The following PTDSS1 variants were observed in gnomAD, a reference collection of about 807,000 sequenced individuals.
PTDSS1 encodes the protein phosphatidylserine synthase 1.
PTDSS1 carries 45 observed loss-of-function variants against 70.5 expected under a neutral mutation model. The observed-to-expected ratio is 0.64, with a 90% confidence interval of 0.50 to 0.82. The LOEUF is 0.82. PTDSS1 is among the 40% of genes least tolerant of loss of function. The pLI is 0.00. For missense variants in PTDSS1, 417 were observed against 586.1 expected, an observed-to-expected ratio of 0.71 and a Z score of 2.98; for synonymous variants, 188 against 203.8, an observed-to-expected ratio of 0.92 and a Z score of 0.66.
At chr8:96,330,166 G>C (rs1362728107) in intron 10 of PTDSS1, 47 bp from the exon 11 acceptor site, 1 of 1,528,356 alleles carries the variant, frequency 6.5e-7, no homozygotes, top group East Asian at 2.3e-5. Context: ...CTGAAGTTCT[G>C]GGAAATTGAA....
chr8:96,263,803 A>T (rs758045893), intron 1 of PTDSS1, among the ~76,000 whole-genome samples: 2 of 152,246 alleles, frequency 1.3e-5, no homozygotes, highest in Non-Finnish European at 1.5e-5. Context: ...AGTCGTTTGC[A>T]TACACACACA....
At chr8:96,281,596 A>T (rs530155241) in intron 2 of PTDSS1, among the ~76,000 whole-genome samples, 1 of 152,030 alleles carries the variant, frequency 6.6e-6, no homozygotes, top group Non-Finnish European at 1.5e-5. Flanking sequence ...AGCCTGCGCC[A>T]TGCCTTTCCC....
At position 96,262,211 on chromosome 8, in the gene PTDSS1, C is replaced by T. The variant is rs772045211; in HGVS notation, c.171C>T (p.Ala57=). ...CCATCGTCAGCCTCATGTACTTCGC[C>T]TTTACCAGGTGGGGCGGCCCAGCCG... ...SFTIVSLMYF[A]FTRDDSVPED... The change falls in exon 1 of 13, where the codon GCC becomes GCT. Residue 57 remains alanine (A), a synonymous_variant. Coordinates refer to ENST00000517309, the MANE Select transcript of PTDSS1 (RefSeq NM_014754.3). This position sits in a 1 kb window ranked among gnomAD's most constrained non-coding sequence, Gnocchi z 4.4. 1.3e-6 allele frequency: 2 copies of T among 1,514,258 alleles called. No individual in the cohort carries two copies. Among genetic ancestry groups the T allele is most frequent in the Admixed American group, 3.5e-5 (2 of 56,690 alleles). The allele number at this position is 1,514,258 out of a possible 1,614,324, so 93.8% of individuals were successfully genotyped here. A position where few individuals can be genotyped will look rare whatever the true frequency, so the allele number is the denominator to read the frequency against.
chr8:96,288,175 A>C (rs891974690), intron 4 of PTDSS1, among the ~76,000 whole-genome samples: 44 of 152,106 alleles, frequency 2.9e-4, no homozygotes, highest in African/African-American at 9.7e-4. Flanking sequence ...ATGGAGAGGT[A>C]CCTAGGGTGA....
rs1460880330 is a variant in PTDSS1 at position 96,336,307 on chromosome 8, A to T, written c.*2741A>T. 1 of 152,148 alleles carries T rather than the reference A, an allele frequency of 6.6e-6. No individual in the cohort carries two copies. Among genetic ancestry groups the T allele is most frequent in the East Asian group, 1.9e-4 (1 of 5,184 alleles). 9.4% of individuals were successfully genotyped at this position (152,148 alleles called of 1,614,324 possible). On this transcript the variant is annotated 3_prime_UTR_variant, in exon 13 of 13. Transcript: ENST00000517309. Reference sequence around the variant, plus strand: ...CCTTCTTGGTCTTCCCTCAGAAGCCACCGTGTAGCACCCTGGAATGATGCC... The same window carrying T: ...CCTTCTTGGTCTTCCCTCAGAAGCCTCCGTGTAGCACCCTGGAATGATGCC...
At chr8:96,302,864 G>A (rs752092529) in intron 6 of PTDSS1, among the ~76,000 whole-genome samples, 1 of 152,210 alleles carries the variant, frequency 6.6e-6, no homozygotes, top group African/African-American at 2.4e-5. Flanking sequence ...TTAGAGGCAT[G>A]AGCCACCATG....
chr8:96,268,156 A>C (rs1243993392), intron 1 of PTDSS1, among the ~76,000 whole-genome samples: 1 of 152,244 alleles, frequency 6.6e-6, no homozygotes, highest in Non-Finnish European at 1.5e-5. Context: ...TAAGAACTTA[A>C]AATTTATCAC....
At chr8:96,324,157 G>A (rs540428205) in intron 10 of PTDSS1, among the ~76,000 whole-genome samples, 2 of 152,284 alleles carry the variant, frequency 1.3e-5, no homozygotes, top group South Asian at 4.1e-4. Context: ...CCTCATCAGA[G>A]TGGCCTTGAC....
intron 10 of PTDSS1, among the ~76,000 whole-genome samples, chr8:96,323,969 G>A (rs1450433921): frequency 2.0e-5 from 3 of 152,146 alleles, no homozygotes; most frequent in African/African-American, 7.2e-5. Context: ...CCACACAGTA[G>A]CCCGAATGCT....
chr8:96,266,391 G>T (rs1351568392), intron 1 of PTDSS1, among the ~76,000 whole-genome samples: 1 of 152,182 alleles, frequency 6.6e-6, no homozygotes, highest in Non-Finnish European at 1.5e-5. Context: ...TTGACTGATT[G>T]ATTTGTTAAT....
rs544570062 is a variant in PTDSS1 at position 96,266,169 on chromosome 8, G to A, written c.179+3950G>A. On this transcript the variant is annotated intron_variant, in intron 1 of 12. Transcript: ENST00000517309. Reference sequence around the variant, plus strand: ...CAGAATCTATTAATTCACATTCAAAGAAGCCCACCTCTCCTTAAGAGGCAC... The same window carrying A: ...CAGAATCTATTAATTCACATTCAAAAAAGCCCACCTCTCCTTAAGAGGCAC... Among the ~76,000 whole-genome samples, 176 of 152,328 alleles carry A rather than the reference G, an allele frequency of 1.2e-3. 1 individual carries two copies. Among genetic ancestry groups the A allele is most frequent in the Admixed American group, 2.0e-3 (30 of 15,306 alleles).
chr8:96,303,583 T>A (rs1168453511), intron 6 of PTDSS1, among the ~76,000 whole-genome samples: 1 of 152,222 alleles, frequency 6.6e-6, no homozygotes, highest in Non-Finnish European at 1.5e-5. Context: ...CTCTGGGCCT[T>A]AATGTCTGCA....
rs944402082 is a variant in PTDSS1 at position 96,261,932 on chromosome 8, G to A, written c.-109G>A. ...TGCTCCCAGCCTTTGCTGGGCGCCA[G>A]ACCCGGCTTTGCCGTCCGGCTATTA... On this transcript the variant is annotated 5_prime_UTR_variant, in exon 1 of 13. Transcript: ENST00000517309. The A allele has an allele frequency of 1.3e-5, 16 of 1,216,540 alleles. No individual in the cohort carries two copies. In the African/African-American group the frequency reaches 1.7e-4, roughly 13 times the overall value. The allele number at this position is 1,216,540 out of a possible 1,614,324, so 75.4% of individuals were successfully genotyped here. A position where few individuals can be genotyped will look rare whatever the true frequency, so the allele number is the denominator to read the frequency against.
At chr8:96,269,454 G>A (rs983874751) in intron 1 of PTDSS1, among the ~76,000 whole-genome samples, 1 of 152,214 alleles carries the variant, frequency 6.6e-6, no homozygotes, top group Non-Finnish European at 1.5e-5. Context: ...TCAAGGCGGT[G>A]TCACAGCATC....
At chr8:96,278,225 C>T (rs1464694074) in intron 2 of PTDSS1, among the ~76,000 whole-genome samples, 2 of 152,224 alleles carry the variant, frequency 1.3e-5, no homozygotes, top group Non-Finnish European at 1.5e-5. Context: ...GGCCACATGT[C>T]TCTTCTCAAC....
At chr8:96,301,070 T>C (rs1234709194) in intron 6 of PTDSS1, among the ~76,000 whole-genome samples, 1 of 152,232 alleles carries the variant, frequency 6.6e-6, no homozygotes, top group East Asian at 1.9e-4. Flanking sequence ...TTTCTACAGA[T>C]TAAGCTAATT....
intron 11 of PTDSS1, 154 bp from the exon 12 acceptor site, chr8:96,330,872 T>C: frequency 1.6e-6 from 1 of 609,148 alleles, no homozygotes; most frequent in Non-Finnish European, 2.9e-6. Context: ...CTTGTTTTTA[T>C]AGCAGAGAAA....
chr8:96,297,795 A>T (rs572990404), intron 5 of PTDSS1, among the ~76,000 whole-genome samples: 3 of 152,224 alleles, frequency 2.0e-5, no homozygotes, highest in Non-Finnish European at 2.9e-5. Flanking sequence ...CACGTGTTAG[A>T]CACTCGATAA....
intron 4 of PTDSS1, 132 bp downstream of exon 4, chr8:96,287,278 GGA>G: frequency 7.7e-7 from 1 of 1,294,486 alleles, no homozygotes; most frequent in Non-Finnish European, 1.1e-6. Context: ...CAGGTCTCTG[GGA>G]GGGTTGTTGA....
Sources: allele counts gnomAD v4.1 joint callset (sites outside exome capture counted in the v4.1 genomes callset), GRCh38; gene constraint gnomAD v4.1.1; non-coding constraint Gnocchi (gnomAD v3.1); transcripts MANE v1.5; gene names NCBI Gene and HGNC (gene_info 2026-07-23, HGNC 2026-07-21).